BRWD1: variants seen among roughly 807,000 people sequenced by gnomAD.
BRWD1 encodes the protein bromodomain and WD repeat-containing protein 1.
BRWD1 carries 82 observed loss-of-function variants against 251.2 expected under a neutral mutation model. The ratio of observed to expected loss-of-function variants is 0.33; its 90% confidence interval spans 0.27 to 0.39. The LOEUF (loss-of-function observed/expected upper bound fraction) is 0.39, where lower values mean the gene tolerates loss of function less well. BRWD1 is among the 10% of genes least tolerant of loss of function. The pLI is 1.00. For missense variants in BRWD1, 2,233 were observed against 2,711.6 expected, an observed-to-expected ratio of 0.82 and a Z score of 3.92; for synonymous variants, 918 against 902.8, an observed-to-expected ratio of 1.02 and a Z score of -0.30.
At chr21:39,220,173 A>G (rs1049093520) in intron 29 of BRWD1, among the ~76,000 whole-genome samples, 1 of 152,140 alleles carries the variant, frequency 6.6e-6, no homozygotes, top group Non-Finnish European at 1.5e-5. Context: ...GGGTCTCACT[A>G]TGTTGCCTGG....
intron 36 of BRWD1, among the ~76,000 whole-genome samples, chr21:39,207,463 CACACACACACACACACACACAA>C (rs2032454005): frequency 6.7e-6 from 1 of 150,282 alleles, no homozygotes; most frequent in Admixed American, 6.6e-5. Flanking sequence ...CACACACACA[CACACACACACACACACACACAA>C]ACAAAACTCC....
intron 4 of BRWD1, among the ~76,000 whole-genome samples, chr21:39,299,227 T>C (rs2036040244): frequency 7.4e-6 from 1 of 134,592 alleles, no homozygotes; most frequent in South Asian, 2.5e-4. Context: ...TATATACATA[T>C]TACGCTAACT....
Position 39,193,982 on chromosome 21 carries a change from G to C in BRWD1, c.*2277C>G, listed in dbSNP as rs2031685216. 3.0e-6 allele frequency: 3 copies of C among 985,356 alleles called. No individual in the cohort carries two copies. Among genetic ancestry groups the C allele is most frequent in the Admixed American group, 6.2e-5 (1 of 16,210 alleles). 61.0% of individuals were successfully genotyped at this position (985,356 alleles called of 1,614,324 possible). On this transcript the variant is annotated 3_prime_UTR_variant, in exon 41 of 41. Coordinates refer to ENST00000342449, the MANE Select transcript of BRWD1 (RefSeq NM_033656.4). ...ATCTCTCAGTTTTATTTCATAACTTGAGAAGCTACCATTGTCGGCTATGCT... is the reference window on the plus strand; with the variant it reads ...ATCTCTCAGTTTTATTTCATAACTTCAGAAGCTACCATTGTCGGCTATGCT...
Position 39,274,490 on chromosome 21 carries a change from A to G in BRWD1, c.1146-18T>C. On this transcript the variant is annotated intron_variant, in intron 12 of 40. Coordinates refer to ENST00000342449, the MANE Select transcript of BRWD1 (RefSeq NM_033656.4). ...TTAGGAACCTTAAAACATTCAGAAC[A>G]GGATCTTACTATATTCACACACTTT... is the stretch of plus-strand genomic sequence containing the variant. 1.3e-6 allele frequency: 2 copies of G among 1,578,864 alleles called. No individual in the cohort carries two copies. The highest frequency in any genetic ancestry group is 1.3e-5 in the African/African-American group (1 of 74,274).
At chr21:39,200,810 C>A (rs574298059) in intron 38 of BRWD1, among the ~76,000 whole-genome samples, 1 of 152,048 alleles carries the variant, frequency 6.6e-6, no homozygotes, top group Non-Finnish European at 1.5e-5. Context: ...AATAGTGAAA[C>A]CCCATCTCTA....
chr21:39,306,018 ACAAGAGACC>A (rs1357237176), intron 4 of BRWD1, among the ~76,000 whole-genome samples: 1 of 152,026 alleles, frequency 6.6e-6, no homozygotes, highest in Non-Finnish European at 1.5e-5. Context: ...AGCCTGGACA[ACAAGAGACC>A]CAAACTCAAA....
At position 39,193,208 on chromosome 21, in the gene BRWD1, A is replaced by G. The variant is rs1405284365; in HGVS notation, c.*3051T>C. ...TTTCCTCTTTAGGTGCAGCTCTACT[A>G]TTTGAAAGGAACCTTTCTGTTGTAA... is the stretch of plus-strand genomic sequence containing the variant. On this transcript the variant is annotated 3_prime_UTR_variant, in exon 41 of 41. Coordinates refer to ENST00000342449, the MANE Select transcript of BRWD1 (RefSeq NM_033656.4). 5.1e-6 allele frequency: 5 copies of G among 985,046 alleles called. No individual in the cohort carries two copies. The highest frequency in any genetic ancestry group is 6.0e-6 in the Non-Finnish European group (5 of 829,706). 61.0% of individuals were successfully genotyped at this position (985,046 alleles called of 1,614,324 possible).
chr21:39,196,367 ACGT>A lies in BRWD1; in HGVS notation c.6699_6701del (p.Arg2234del). The A allele has an allele frequency of 6.2e-7, 1 of 1,613,658 alleles. No individual in the cohort carries two copies. The highest frequency in any genetic ancestry group is 8.5e-7 in the Non-Finnish European group (1 of 1,179,678). ...CCTGATTTCTCGTTTTTATTTTTGA[ACGT>A]CGAAGAACTCTTTTAGATTTTGCAT... On this transcript the variant is annotated inframe_deletion, in exon 41 of 41. Coordinates refer to ENST00000342449, the MANE Select transcript of BRWD1 (RefSeq NM_033656.4).
intron 22 of BRWD1, among the ~76,000 whole-genome samples, chr21:39,237,886 T>C (rs1160521837): frequency 6.6e-6 from 1 of 151,900 alleles, no homozygotes; most frequent in South Asian, 2.1e-4. Flanking sequence ...CTCCTTATCA[T>C]AATGAAGTAA....
chr21:39,247,580 C>G (rs1162537680), intron 21 of BRWD1, 121 bp downstream of exon 21: 8 of 1,035,210 alleles, frequency 7.7e-6, no homozygotes, highest in Non-Finnish European at 1.1e-5. Flanking sequence ...TGTGAAATTT[C>G]ATATTAATCT....
At position 39,234,266 on chromosome 21, in the gene BRWD1, G is replaced by A. The variant is rs11910037; in HGVS notation, c.2767-1768C>T. 2.6e-3 allele frequency among the ~76,000 whole-genome samples: 399 copies of A among 152,256 alleles called. 1 individual carries two copies. The highest frequency in any genetic ancestry group is 9.3e-3 in the African/African-American group (385 of 41,550). On this transcript the variant is annotated intron_variant, in intron 23 of 40. Coordinates refer to ENST00000342449, the MANE Select transcript of BRWD1 (RefSeq NM_033656.4). ...TTACAGTCTACTGGGTAATACAGAC[G>A]CTGAATGAACAATTACAAGTACAAT... is the stretch of plus-strand genomic sequence containing the variant.
At chr21:39,270,558 A>T (rs1439289836) in intron 13 of BRWD1, 125 bp from the exon 14 acceptor site, 2 of 739,090 alleles carry the variant, frequency 2.7e-6, no homozygotes, top group Non-Finnish European at 4.1e-6. Context: ...CCCTACAGTG[A>T]GTTCATCACA....
Position 39,313,611 on chromosome 21 carries a change from C to G in BRWD1, c.-120G>C. On this transcript the variant is annotated 5_prime_UTR_variant, in exon 1 of 41. Coordinates refer to ENST00000342449, the MANE Select transcript of BRWD1 (RefSeq NM_033656.4). ...CGCGCGCCGCCGCCGCCGCCGCCGC[C>G]GCCATACCGTGCGCGCCGCCTGGAC... The G allele has an allele frequency of 3.7e-6, 3 of 815,212 alleles. No individual in the cohort carries two copies. Among genetic ancestry groups the G allele is most frequent in the Non-Finnish European group, 4.9e-6 (3 of 609,846 alleles). The allele number at this position is 815,212 out of a possible 1,614,324, so 50.5% of individuals were successfully genotyped here.
chr21:39,319,010 C>T (rs944855608), intron 1 of BRWD1, among the ~76,000 whole-genome samples: 2 of 152,180 alleles, frequency 1.3e-5, no homozygotes, highest in Admixed American at 6.5e-5. Flanking sequence ...CTGTCTTGGC[C>T]TTCCAAAGTG....
chr21:39,298,304 T>C (rs1415394035), intron 5 of BRWD1, 128 bp downstream of exon 5: 1 of 1,349,012 alleles, frequency 7.4e-7, no homozygotes, highest in Non-Finnish European at 9.6e-7. Flanking sequence ...ATGCAGAGAA[T>C]TTTATAGTCC....
chr21:39,265,160 A>G (rs2034880569), intron 15 of BRWD1, 141 bp from the exon 16 acceptor site: 1 of 903,248 alleles, frequency 1.1e-6, no homozygotes, highest in Admixed American at 3.2e-5. Context: ...ATGGTGGCTC[A>G]TACCTGTAAT....
intron 36 of BRWD1, among the ~76,000 whole-genome samples, chr21:39,206,803 A>G (rs2032412665): frequency 1.3e-5 from 2 of 152,230 alleles, no homozygotes; most frequent in Non-Finnish European, 2.9e-5. Flanking sequence ...AATGCATATG[A>G]AAGATTTGTT....
chr21:39,315,224 G>A (rs1211852890), upstream of BRWD1, among the ~76,000 whole-genome samples: 4 of 151,892 alleles, frequency 2.6e-5, no homozygotes, highest in South Asian at 4.2e-4. Flanking sequence ...GGCTGGTCTC[G>A]AACTCCTGGC....
intron 20 of BRWD1, among the ~76,000 whole-genome samples, chr21:39,250,092 C>T (rs927622701): frequency 2.0e-5 from 3 of 152,074 alleles, no homozygotes; most frequent in African/African-American, 7.2e-5. Context: ...AATTCATGGC[C>T]TCCTATATGT....
Sources: gnomAD v4.1 joint callset for allele counts (sites outside exome capture counted in the v4.1 genomes callset) on GRCh38, gnomAD v4.1.1 for gene constraint, MANE v1.5 for transcripts, NCBI Gene and HGNC (gene_info 2026-07-23, HGNC 2026-07-21) for gene names.